Variants in UBR2 observed in about 807,000 individuals in gnomAD.
UBR2 encodes the protein ubiquitin protein ligase E3 component n-recognin 2.
A neutral mutation model predicts 247.9 loss-of-function variants in UBR2; 92 were observed. The observed-to-expected ratio is 0.37, with a 90% CI of 0.31 to 0.44. UBR2 has a LOEUF of 0.44. Ranked by LOEUF, UBR2 falls within the 20% of genes least tolerant of loss-of-function variation. UBR2 has a pLI of 1.00. For missense variants in UBR2, 1,613 were observed against 2,112.6 expected (o/e 0.76, Z 4.64); for synonymous variants, 672 against 693.5 (o/e 0.97, Z 0.49).
chr6:42,661,602 T>A (rs950187830), intron 30 of UBR2, among the ~76,000 whole-genome samples: 5 of 152,236 alleles, frequency 3.3e-5, no homozygotes, highest in African/African-American at 7.2e-5. Context: ...CCTTTGAATA[T>A]AAAAATTAGC....
intron 38 of UBR2, among the ~76,000 whole-genome samples, chr6:42,675,358 A>G (rs6905989): frequency 0.7 from 105,717 of 152,070 alleles, 36,913 homozygotes; most frequent in East Asian, 0.89. Flanking sequence ...GATCAGAGAT[A>G]TTAATTTGTG....
chr6:42,602,865 A>G (rs921842339), intron 4 of UBR2, among the ~76,000 whole-genome samples: 2 of 152,028 alleles, frequency 1.3e-5, no homozygotes, highest in African/African-American at 4.8e-5. Context: ...AAATAATGCT[A>G]CTTAGCCATT....
chr6:42,690,938 A>G (rs929759550), intron 46 of UBR2, 94 bp from the exon 47 acceptor site: 1 of 1,509,974 alleles, frequency 6.6e-7, no homozygotes. Context: ...TCTAAAACCA[A>G]TAACTTGTAA....
intron 44 of UBR2, among the ~76,000 whole-genome samples, chr6:42,687,216 ACT>A (rs1216756732): frequency 2.0e-5 from 3 of 152,058 alleles, no homozygotes; most frequent in Non-Finnish European, 4.4e-5. Flanking sequence ...AGTGAGCAAG[ACT>A]CCCTCTGCAA....
rs542338483 is a variant in UBR2 at position 42,670,590 on chromosome 6, C to A, written c.4031-70C>A. On this transcript the variant is annotated intron_variant, in intron 35 of 46. Transcript: ENST00000372901. ...TCTGTAGGATTGGGGTTTTTTTAAC[C>A]TTTTTAAGAAAATTATATTAAAATA... 12 of 1,157,740 alleles carry A rather than the reference C, an allele frequency of 1.0e-5. No individual in the cohort carries two copies. The South Asian group carries it at 1.3e-4, about 13-fold the overall frequency. The allele number at this position is 1,157,740 out of a possible 1,614,324, so 71.7% of individuals were successfully genotyped here. A position where few individuals can be genotyped will look rare whatever the true frequency, so the allele number is the denominator to read the frequency against.
At chr6:42,632,452 G>T in intron 11 of UBR2, 100 bp from the exon 12 acceptor site, 3 of 1,095,334 alleles carry the variant, frequency 2.7e-6, no homozygotes, top group Non-Finnish European at 2.5e-6. Flanking sequence ...GTTGAAAAAG[G>T]TTTAAACTGA....
At chr6:42,678,312 G>A (rs1045100366) in intron 40 of UBR2, among the ~76,000 whole-genome samples, 1 of 152,212 alleles carries the variant, frequency 6.6e-6, no homozygotes, top group South Asian at 2.1e-4. Flanking sequence ...CTCCAGCCTG[G>A]GCGACAGAGC....
chr6:42,640,368 G>T, intron 16 of UBR2, 98 bp downstream of exon 16: 8 of 833,994 alleles, frequency 9.6e-6, no homozygotes, highest in Non-Finnish European at 7.3e-6. Context: ...TTCTCCAGAG[G>T]AACAGAACCA....
chr6:42,663,263 T>A lies in UBR2; in HGVS notation c.3542T>A (p.Phe1181Tyr). Residue 1181 changes from phenylalanine to tyrosine, a missense_variant, in exon 32 of 47, where the codon TTT (phenylalanine) becomes TAT (tyrosine). Transcript: ENST00000372901. ...CATGTTCTCTAATTGTAAAGGTATT[T>A]TGATTCCGTTCAAGCTAAAGAACAG... is the stretch of plus-strand genomic sequence containing the variant. The part of the protein sequence containing the change: ...IMHAHCWQRY[F>Y]DSVQAKEQRR... 6.2e-7 allele frequency: 1 copy of A among 1,601,426 alleles called. No individual in the cohort carries two copies. The highest frequency in any genetic ancestry group is 8.5e-7 in the Non-Finnish European group (1 of 1,174,590).
At chr6:42,579,657 G>A (rs1177785660) in intron 2 of UBR2, among the ~76,000 whole-genome samples, 1 of 152,124 alleles carries the variant, frequency 6.6e-6, no homozygotes, top group Non-Finnish European at 1.5e-5. Flanking sequence ...CCATAGGCGT[G>A]TGCCACCATG....
intron 30 of UBR2, among the ~76,000 whole-genome samples, chr6:42,661,687 C>A (rs955216201): frequency 3.9e-5 from 6 of 152,088 alleles, no homozygotes; most frequent in African/African-American, 1.4e-4. Context: ...TTTGTTGTCA[C>A]TTTGGCTCTG....
intron 9 of UBR2, 120 bp downstream of exon 9, chr6:42,615,298 T>C: frequency 1.5e-6 from 1 of 662,486 alleles, no homozygotes; most frequent in Non-Finnish European, 2.3e-6. Flanking sequence ...AAAATTAGCA[T>C]TGCAGTCTTA....
intron 20 of UBR2, 99 bp downstream of exon 20, chr6:42,644,635 G>A (rs1430625727): frequency 1.0e-6 from 1 of 969,870 alleles, no homozygotes; most frequent in East Asian, 2.4e-5. Flanking sequence ...GTTTTGAGAG[G>A]ATGCTCAGTC....
In UBR2 at chr6:42,645,559, A is replaced by T; in HGVS notation, c.2378A>T (p.His793Leu). The T allele has an allele frequency of 6.2e-7, 1 of 1,613,792 alleles. No individual in the cohort carries two copies. Among genetic ancestry groups the T allele is most frequent in the Non-Finnish European group, 8.5e-7 (1 of 1,179,854 alleles). The change falls in exon 21 of 47, where the codon CAT becomes CTT. Residue 793 changes from histidine (H) to leucine (L), a missense_variant. Coordinates refer to ENST00000372901, the MANE Select transcript of UBR2 (RefSeq NM_001363705.2). ...CAGTTGAGTATCAAGCCTATGGCTC[A>T]TAGTGAATTGGTAAAGTCTTTACCT... ...IHQLSIKPMAHSELVKSLPED... is the reference protein window; with the variant it reads ...IHQLSIKPMALSELVKSLPED...
Position 42,676,193 on chromosome 6 carries a change from T to TAA in UBR2, c.4387+3_4387+4dup. On this transcript the variant is annotated splice_region_variant and intron_variant, in intron 39 of 46. Transcript: ENST00000372901. The stretch of plus-strand genomic sequence containing the variant: ...AGATCTTACTTACCTCATGTACAGG[T>TAA]AACTCTTGCCTTTTTGTCAGTTTCT... The TAA allele has an allele frequency of 6.4e-7, 1 of 1,572,258 alleles. No individual in the cohort carries two copies. Among genetic ancestry groups the TAA allele is most frequent in the Non-Finnish European group, 8.6e-7 (1 of 1,166,652 alleles).
At chr6:42,586,236 A>G (rs1459461695) in intron 2 of UBR2, among the ~76,000 whole-genome samples, 2 of 151,664 alleles carry the variant, frequency 1.3e-5, no homozygotes, top group Non-Finnish European at 2.9e-5. Flanking sequence ...AGCTGGACAT[A>G]GTGGAGCACA....
chr6:42,650,391 T>C lies in UBR2; in HGVS notation c.2565+5T>C. 6.2e-7 allele frequency: 1 copy of C among 1,605,130 alleles called. No homozygotes were observed. Among genetic ancestry groups the C allele is most frequent in the Non-Finnish European group, 8.5e-7 (1 of 1,174,750 alleles). On this transcript the variant is annotated splice_donor_5th_base_variant and intron_variant, in intron 23 of 46. Coordinates refer to ENST00000372901, the MANE Select transcript of UBR2 (RefSeq NM_001363705.2). ...TCAAGGGCAGAACAGTCCAAGGTAA[T>C]TGGGAAAATTAAAAATGTAGCAGGG...
intron 2 of UBR2, among the ~76,000 whole-genome samples, chr6:42,586,919 C>A (rs1013781021): frequency 4.7e-5 from 7 of 149,748 alleles, no homozygotes; most frequent in African/African-American, 2.5e-5. Flanking sequence ...CTCCCAGACT[C>A]AAGTGATTCT....
At chr6:42,581,321 CT>C (rs1791885945) in intron 2 of UBR2, among the ~76,000 whole-genome samples, 1 of 152,018 alleles carries the variant, frequency 6.6e-6, no homozygotes, top group South Asian at 2.1e-4. Flanking sequence ...TCCTGAGTAG[CT>C]GGGATTACAG....
Sources: gnomAD v4.1 joint callset for allele counts (sites outside exome capture counted in the v4.1 genomes callset) on GRCh38, gnomAD v4.1.1 for gene constraint, MANE v1.5 for transcripts, NCBI Gene and HGNC (gene_info 2026-07-23, HGNC 2026-07-21) for gene names.